The following DGKB variants were observed in gnomAD, a reference collection of about 807,000 sequenced individuals.
DGKB encodes the protein diacylglycerol kinase beta.
Under a neutral mutation model 114.3 loss-of-function variants are expected in DGKB, and 67 were observed. The ratio of observed to expected loss-of-function variants is 0.59; its 90% CI spans 0.48 to 0.72. DGKB has a LOEUF of 0.72. Ranked by LOEUF, DGKB falls within the 30% of genes least tolerant of loss-of-function variation. The pLI, the probability that DGKB is intolerant of heterozygous loss-of-function variation, is 0.00. For synonymous variants in DGKB, 398 were observed against 323.1 expected (o/e 1.23, Z -2.49); for missense variants, 907 against 975.2 (o/e 0.93, Z 0.93).
chr7:14,158,731 G>T (rs1783415719), intron 25 of DGKB, among the ~76,000 whole-genome samples: 1 of 152,146 alleles, frequency 6.6e-6, no homozygotes, highest in African/African-American at 2.4e-5. Context: ...GAATAATTCA[G>T]TTGAAATAGT....
intron 23 of DGKB, among the ~76,000 whole-genome samples, chr7:14,272,163 C>T (rs1472868916): frequency 6.6e-6 from 1 of 152,074 alleles, no homozygotes; most frequent in Non-Finnish European, 1.5e-5. Flanking sequence ...TATTTATATG[C>T]TATTTTTCAT....
chr7:14,405,369 T>C (rs1027264654), intron 21 of DGKB, among the ~76,000 whole-genome samples: 16 of 152,060 alleles, frequency 1.1e-4, no homozygotes, highest in African/African-American at 2.9e-4. Context: ...TCTTATGACT[T>C]CTGAAATAAT....
chr7:14,920,428 A>G (rs1784457726), intron 1 of DGKB, among the ~76,000 whole-genome samples: 1 of 152,226 alleles, frequency 6.6e-6, no homozygotes, highest in African/African-American at 2.4e-5. Flanking sequence ...GGTAACTGCA[A>G]ATTATAAGAA....
chr7:14,703,321 T>G (rs116149981), intron 6 of DGKB, among the ~76,000 whole-genome samples: 1,569 of 152,242 alleles, frequency 0.01, 27 homozygotes, highest in African/African-American at 0.035. Flanking sequence ...TCGCTCAAAT[T>G]TGTGGAAACC....
Position 14,347,886 on chromosome 7 carries a change from T to C in DGKB, c.1836-2495A>G, listed in dbSNP as rs554927309. Among the ~76,000 whole-genome samples the C allele has an allele frequency of 3.9e-5, 6 of 152,214 alleles. No individual in the cohort carries two copies. The South Asian group carries it at 8.3e-4, about 21-fold the overall frequency. ...ATGTTGCACATCTTGAATATATGTA[T>C]AATTTTTAAAAATTTGTAAATTATA... On this transcript the variant is annotated intron_variant, in intron 21 of 25. Coordinates refer to ENST00000402815, the MANE Select transcript of DGKB (RefSeq NM_001350709.2).
chr7:14,755,144 T>C lies in DGKB; in HGVS notation c.148-1196A>G, dbSNP rs528590984. Among the ~76,000 whole-genome samples the C allele has an allele frequency of 1.7e-3, 252 of 152,310 alleles. 2 individuals are homozygous for C. The highest frequency in any genetic ancestry group is 3.1e-3 in the Non-Finnish European group (213 of 68,012). ...CTACAGAATCTTTAAGGCTATTGTTTAGATTTCTCTTATTCATTTCTTCAA... is the reference window on the plus strand; with the variant it reads ...CTACAGAATCTTTAAGGCTATTGTTCAGATTTCTCTTATTCATTTCTTCAA... On this transcript the variant is annotated intron_variant, in intron 3 of 25. Coordinates refer to ENST00000402815, the MANE Select transcript of DGKB (RefSeq NM_001350709.2).
chr7:14,838,538 CT>C (rs1847471345), intron 2 of DGKB, among the ~76,000 whole-genome samples: 2 of 149,626 alleles, frequency 1.3e-5, no homozygotes, highest in East Asian at 3.9e-4. Context: ...CTCTCTTCCC[CT>C]CTCTCTCTCT....
intron 2 of DGKB, among the ~76,000 whole-genome samples, chr7:14,825,927 TG>T (rs1845648716): frequency 6.6e-6 from 1 of 152,176 alleles, no homozygotes; most frequent in South Asian, 2.1e-4. Context: ...GGAGGTCCCT[TG>T]GGCTTTCTGA....
intron 15 of DGKB, among the ~76,000 whole-genome samples, chr7:14,617,724 C>G (rs893116527): frequency 7.3e-5 from 11 of 151,624 alleles, no homozygotes; most frequent in Admixed American, 4.6e-4. Context: ...TTCCATCTTG[C>G]CCACCCTACT....
At chr7:14,773,228 C>T (rs763685531) in intron 2 of DGKB, among the ~76,000 whole-genome samples, 28 of 151,942 alleles carry the variant, frequency 1.8e-4, no homozygotes, top group Non-Finnish European at 3.2e-4. Context: ...CTTTATATTA[C>T]GAAAAAGTCT....
intron 20 of DGKB, among the ~76,000 whole-genome samples, chr7:14,509,739 T>C (rs575367838): frequency 6.6e-6 from 1 of 152,314 alleles, no homozygotes; most frequent in East Asian, 1.9e-4. Context: ...GACCCGCCTT[T>C]TAAAAGCTTA....
chr7:14,494,477 A>T (rs1785022988), intron 20 of DGKB, among the ~76,000 whole-genome samples: 1 of 151,940 alleles, frequency 6.6e-6, no homozygotes, highest in Non-Finnish European at 1.5e-5. Context: ...AGTCTTTGCA[A>T]ATATAAGAAT....
intron 21 of DGKB, among the ~76,000 whole-genome samples, chr7:14,427,015 G>A (rs907242435): frequency 6.6e-6 from 1 of 151,950 alleles, no homozygotes; most frequent in Non-Finnish European, 1.5e-5. Flanking sequence ...AGCCAAGATA[G>A]TGTCACTGCA....
intron 25 of DGKB, among the ~76,000 whole-genome samples, chr7:14,170,162 A>AG: frequency 1.1e-5 from 1 of 88,144 alleles, no homozygotes; most frequent in East Asian, 2.8e-4. Flanking sequence ...AGAAAGAAAG[A>AG]AAGAAAGAAA....
intron 21 of DGKB, among the ~76,000 whole-genome samples, chr7:14,356,879 GT>G (rs1814653023): frequency 6.6e-6 from 1 of 152,148 alleles, no homozygotes; most frequent in Admixed American, 6.5e-5. Context: ...TCAGGAGCAG[GT>G]TGTTCAGTTT....
At chr7:14,162,635 C>T (rs1279568984) in intron 25 of DGKB, among the ~76,000 whole-genome samples, 2 of 151,992 alleles carry the variant, frequency 1.3e-5, no homozygotes, top group Non-Finnish European at 2.9e-5. Context: ...AAACTAATGA[C>T]TAGATTAATT....
At position 14,384,871 on chromosome 7, in the gene DGKB, T is replaced by A. The variant is rs529406234; in HGVS notation, c.1836-39480A>T. On this transcript the variant is annotated intron_variant, in intron 21 of 25. Coordinates refer to ENST00000402815, the MANE Select transcript of DGKB (RefSeq NM_001350709.2). ...GTCCTACAATGCACAGGACCGCCAC[T>A]CAACACAAGGAACTATCTGGCACAA... Among the ~76,000 whole-genome samples, 8 of 152,218 alleles carry A rather than the reference T, an allele frequency of 5.3e-5. No homozygotes were observed. In the East Asian group the frequency reaches 1.4e-3, roughly 26 times the overall value.
chr7:14,682,808 G>A lies in DGKB; in HGVS notation c.863C>T (p.Ala288Val), dbSNP rs777687909. Residue 288 changes from alanine to valine, a missense_variant, in exon 11 of 26, where the codon GCT becomes GTT. By Grantham distance (64) the Ala-to-Val change is moderately conservative. Around this residue, in one of 3 missense-constraint regions of DGKB, gnomAD observed 814 missense variants for 856.6 expected, o/e 0.95. Coordinates refer to ENST00000402815, the MANE Select transcript of DGKB (RefSeq NM_001350709.2). ...CKYTVHERCV[A>V]RAPPSCIKTY... Reference sequence around the variant, plus strand: ...CTTGATGCAAGAGGGAGGTGCTCGAGCCACACAGCGCTCATGGACTGTGTA... The same window carrying A: ...CTTGATGCAAGAGGGAGGTGCTCGAACCACACAGCGCTCATGGACTGTGTA... 2.5e-6 allele frequency: 4 copies of A among 1,601,692 alleles called. No individual in the cohort carries two copies. The South Asian group carries it at 3.3e-5, about 13-fold the overall frequency.
chr7:14,608,101 T>A (rs1029873333), intron 16 of DGKB, among the ~76,000 whole-genome samples: 3 of 152,024 alleles, frequency 2.0e-5, no homozygotes, highest in Non-Finnish European at 4.4e-5. Flanking sequence ...AATAATTCTT[T>A]TTTTCTGAAA....
Sources: allele counts gnomAD v4.1 joint callset (sites outside exome capture counted in the v4.1 genomes callset), GRCh38; gene constraint gnomAD v4.1.1; regional missense constraint gnomAD v4.1.1; transcripts MANE v1.5; gene names NCBI Gene and HGNC (gene_info 2026-07-23, HGNC 2026-07-21).